SENP5: variants seen among roughly 807,000 people sequenced by gnomAD.
SENP5 encodes the protein sentrin-specific protease 5.
A neutral mutation model predicts 74.2 loss-of-function variants in SENP5; 21 were observed. The ratio of observed to expected loss-of-function variants is 0.28; its 90% CI spans 0.20 to 0.41. The LOEUF (loss-of-function observed/expected upper bound fraction) is 0.41, where lower values mean the gene tolerates loss of function less well. SENP5 is among the 10% of genes least tolerant of loss of function. SENP5 has a pLI of 1.00. For missense variants in SENP5, 717 were observed against 889.1 expected, an observed-to-expected ratio of 0.81 and a Z score of 2.46; for synonymous variants, 311 against 312.7, an observed-to-expected ratio of 0.99 and a Z score of 0.06.
At chr3:196,916,848 C>T (rs62411762) in intron 6 of SENP5, among the ~76,000 whole-genome samples, 98,666 of 150,742 alleles carry the variant, frequency 0.65, 33,213 homozygotes, top group Non-Finnish European at 0.75. Flanking sequence ...AAAAAATAAG[C>T]AGAGGCTGGG....
chr3:196,885,793 G>A lies in SENP5; in HGVS notation c.612G>A (p.Glu204=), dbSNP rs1236997721. Residue 204 remains glutamate, a synonymous_variant, in exon 2 of 10, where the codon GAG becomes GAA. Transcript: ENST00000323460. ...GFCYGCCQGP[E]HHRNGGPLIP... ...GTTACGGCTGCTGCCAAGGGCCGGA[G>A]CACCACAGGAATGGGGGACCCTTGA... The A allele has an allele frequency of 1.9e-6, 3 of 1,614,246 alleles. No homozygotes were observed. Among genetic ancestry groups the A allele is most frequent in the South Asian group, 2.2e-5 (2 of 91,084 alleles).
At chr3:196,919,623 G>A (rs779997920) in intron 6 of SENP5, among the ~76,000 whole-genome samples, 15 of 152,158 alleles carry the variant, frequency 9.9e-5, no homozygotes, top group Middle Eastern at 3.4e-3. Flanking sequence ...GAGAAACCCC[G>A]TGTCTACTAA....
At chr3:196,921,701 C>A (rs1283157325) in intron 6 of SENP5, among the ~76,000 whole-genome samples, 2 of 152,020 alleles carry the variant, frequency 1.3e-5, no homozygotes, top group Non-Finnish European at 2.9e-5. Context: ...CACCTCACTC[C>A]CCCAGGTTTA....
intron 1 of SENP5, among the ~76,000 whole-genome samples, chr3:196,873,903 G>A (rs1054536691): frequency 6.6e-6 from 1 of 152,040 alleles, no homozygotes; most frequent in Non-Finnish European, 1.5e-5. Flanking sequence ...GGGTCTTGCT[G>A]TGTTGCCCAG....
intron 6 of SENP5, among the ~76,000 whole-genome samples, chr3:196,909,855 C>A (rs1372163594): frequency 6.6e-6 from 1 of 152,140 alleles, no homozygotes; most frequent in African/African-American, 2.4e-5. Context: ...GACAAGGATG[C>A]CCTCTCCCAT....
intron 1 of SENP5, among the ~76,000 whole-genome samples, chr3:196,870,844 G>C (rs1438417764): frequency 6.6e-6 from 1 of 152,042 alleles, no homozygotes; most frequent in East Asian, 1.9e-4. Context: ...TCTACAACCA[G>C]ATGACAAAGG....
intron 5 of SENP5, among the ~76,000 whole-genome samples, chr3:196,903,099 G>A (rs1003864646): frequency 6.6e-5 from 10 of 152,090 alleles, no homozygotes; most frequent in African/African-American, 2.4e-4. Flanking sequence ...AGCATTTTCT[G>A]TAAACCATGT....
rs767053851 is a variant in SENP5, at chr3:196,885,989, A to G, written c.808A>G (p.Lys270Glu). 2.5e-6 allele frequency: 4 copies of G among 1,614,214 alleles called. No individual in the cohort carries two copies. In the Admixed American group the frequency reaches 6.7e-5, roughly 27 times the overall value. Residue 270 changes from lysine (K) to glutamate (E), a missense_variant, in exon 2 of 10, where the codon AAA (lysine) becomes GAA (glutamate). Lys to Glu is a moderately conservative substitution (Grantham distance 56). Coordinates refer to ENST00000323460, the MANE Select transcript of SENP5 (RefSeq NM_152699.5). ...LRKAQRSWVQ[K>E]VTGDHQETRR... ...AAAAGCCCAGCGAAGCTGGGTACAGAAAGTCACTGGGGACCATCAAGAGAC... is the reference window on the plus strand; with the variant it reads ...AAAAGCCCAGCGAAGCTGGGTACAGGAAGTCACTGGGGACCATCAAGAGAC...
At chr3:196,913,562 C>G (rs929243855) in intron 6 of SENP5, among the ~76,000 whole-genome samples, 4 of 146,534 alleles carry the variant, frequency 2.7e-5, no homozygotes, top group Non-Finnish European at 6.0e-5. Context: ...GAGTGAGACT[C>G]CATCTCAAAA....
At chr3:196,881,841 GTTC>G (rs1012509722) in intron 1 of SENP5, among the ~76,000 whole-genome samples, 2 of 118,296 alleles carry the variant, frequency 1.7e-5, no homozygotes, top group African/African-American at 6.5e-5. Flanking sequence ...ATAACACCCT[GTTC>G]TTTTTTTTCA....
At chr3:196,914,585 AAATATATATAT>A (rs1266532536) in intron 6 of SENP5, 289 of 92,484 alleles carry the variant, frequency 3.1e-3, no homozygotes, top group Middle Eastern at 0.01. Flanking sequence ...AAAAAAAAAA[AAATATATATAT>A]ATATATATAT....
intron 2 of SENP5, among the ~76,000 whole-genome samples, chr3:196,887,893 A>G (rs6784475): frequency 0.66 from 99,933 of 151,816 alleles, 33,927 homozygotes; most frequent in Non-Finnish European, 0.74. Context: ...TCAGCCTCCC[A>G]AGTAGCTGAG....
intron 2 of SENP5, among the ~76,000 whole-genome samples, chr3:196,887,108 T>C (rs1030373314): frequency 1.3e-5 from 2 of 152,212 alleles, no homozygotes; most frequent in Admixed American, 6.5e-5. Context: ...AATTTGCATT[T>C]TTGAGTTTTA....
rs1163112307 is a variant in SENP5 at position 196,891,394 on chromosome 3, T to TA, written c.1513+4706dup. 6.2e-4 allele frequency among the ~76,000 whole-genome samples: 94 copies of TA among 152,198 alleles called. No individual in the cohort carries two copies. The Middle Eastern group carries it at 0.027, about 44-fold the overall frequency. On this transcript the variant is annotated intron_variant, in intron 2 of 9. Transcript: ENST00000323460. ...TGATAGTTACACAATCTGAATATAT[T>TA]AAAAAACAGTGAATTGTGTTCTTTA...
intron 9 of SENP5, among the ~76,000 whole-genome samples, chr3:196,930,474 T>C (rs1162910848): frequency 6.6e-6 from 1 of 152,248 alleles, no homozygotes; most frequent in Non-Finnish European, 1.5e-5. Flanking sequence ...ATGAAAATGC[T>C]GCCTTAGATC....
rs1207438573 is a variant in SENP5, at chr3:196,896,954, T to C, written c.1514-2712T>C. On this transcript the variant is annotated intron_variant, in intron 2 of 9. Coordinates refer to ENST00000323460, the MANE Select transcript of SENP5 (RefSeq NM_152699.5). ...TACCTTGAAGGGCATTTCTACCGAA[T>C]AAGAAATCCATGTTTATCATCTGAA... 2.0e-5 allele frequency among the ~76,000 whole-genome samples: 3 copies of C among 152,148 alleles called. No individual in the cohort carries two copies. In the East Asian group the frequency reaches 5.8e-4, roughly 29 times the overall value.
chr3:196,931,019 A>G lies in SENP5; in HGVS notation c.*96A>G. The G allele has an allele frequency of 1.1e-5, 9 of 796,352 alleles. No homozygotes were observed. The highest frequency in any genetic ancestry group is 1.9e-5 in the Non-Finnish European group (9 of 462,220). The allele number at this position is 796,352 out of a possible 1,614,324, so 49.3% of individuals were successfully genotyped here. ...TTAGTTGAATTTTTACAGATATTTC[A>G]GATCAGTGGTGTTGGGCCACTATTG... On this transcript the variant is annotated 3_prime_UTR_variant, in exon 10 of 10. Coordinates refer to ENST00000323460, the MANE Select transcript of SENP5 (RefSeq NM_152699.5).
intron 6 of SENP5, among the ~76,000 whole-genome samples, chr3:196,910,547 C>A (rs948301440): frequency 6.6e-6 from 1 of 151,468 alleles, no homozygotes; most frequent in Non-Finnish European, 1.5e-5. Context: ...AGGGTTTCGC[C>A]GTGTTAGCCA....
chr3:196,923,303 C>G, intron 6 of SENP5, 111 bp from the exon 7 acceptor site: 2 of 1,174,166 alleles, frequency 1.7e-6, no homozygotes, highest in South Asian at 3.2e-5. Context: ...TCATTGCTTC[C>G]TACTTTTTTG....
Sources: gnomAD v4.1 joint callset for allele counts (sites outside exome capture counted in the v4.1 genomes callset) on GRCh38, gnomAD v4.1.1 for gene constraint, MANE v1.5 for transcripts, NCBI Gene and HGNC (gene_info 2026-07-23, HGNC 2026-07-21) for gene names.